The following GABRG2 variants were observed in gnomAD, a reference collection of about 807,000 sequenced individuals.
GABRG2 encodes the protein gamma-aminobutyric acid receptor subunit gamma-2.
In GABRG2, 16 loss-of-function variants were observed where a neutral mutation model predicts 56.4. That is an observed-to-expected ratio of 0.28 (90% CI 0.19 to 0.43). The LOEUF is 0.43. Among genes scored for constraint, GABRG2 ranks in the 20% least tolerant of loss-of-function variants. The pLI, the probability that GABRG2 is intolerant of heterozygous loss-of-function variation, is 1.00. For missense variants in GABRG2, 327 were observed against 582.7 expected, an observed-to-expected ratio of 0.56 and a Z score of 4.52; for synonymous variants, 208 against 205.5, an observed-to-expected ratio of 1.01 and a Z score of -0.10.
intron 1 of GABRG2, among the ~76,000 whole-genome samples, chr5:162,087,062 C>G (rs1760177486): frequency 6.6e-6 from 1 of 152,018 alleles, no homozygotes; most frequent in Admixed American, 6.6e-5. Flanking sequence ...TTCTCTACTT[C>G]TTTTCCCTTT....
At chr5:162,077,568 A>C (rs1321285906) in intron 1 of GABRG2, among the ~76,000 whole-genome samples, 1 of 152,212 alleles carries the variant, frequency 6.6e-6, no homozygotes, top group Non-Finnish European at 1.5e-5. Context: ...AATGTATGAC[A>C]GTTTAAGTTA....
At chr5:162,097,584 A>G (rs1056922742) in intron 3 of GABRG2, 54 bp from the exon 4 acceptor site, 1 of 1,314,572 alleles carries the variant, frequency 7.6e-7, no homozygotes, top group Non-Finnish European at 1.1e-6. Context: ...ACCAATATTT[A>G]AAAAGATAAT....
In GABRG2 at chr5:162,073,932, A is replaced by G. The variant is rs1478823935; in HGVS notation, c.107+5826A>G. Among the ~76,000 whole-genome samples the G allele has an allele frequency of 6.5e-4, 99 of 151,888 alleles. 1 individual carries two copies. The highest frequency in any genetic ancestry group is 6.4e-3 in the Admixed American group (97 of 15,214). On this transcript the variant is annotated intron_variant, in intron 1 of 9. Transcript: ENST00000639213. Reference sequence around the variant, plus strand: ...CTATTGGCTGTAGAACAGAGTTAAGACCCCCTCCTTGAATTCATAGCGCAA... The same window carrying G: ...CTATTGGCTGTAGAACAGAGTTAAGGCCCCCTCCTTGAATTCATAGCGCAA...
intron 5 of GABRG2, 59 bp from the exon 6 acceptor site, chr5:162,103,830 G>A (rs1761610995): frequency 6.3e-7 from 1 of 1,584,620 alleles, no homozygotes; most frequent in Non-Finnish European, 8.7e-7. Context: ...ATAGAAGATG[G>A]TTGCTACATA....
At chr5:162,091,425 A>G (rs1258292843) in intron 1 of GABRG2, among the ~76,000 whole-genome samples, 5 of 152,126 alleles carry the variant, frequency 3.3e-5, no homozygotes, top group Non-Finnish European at 7.4e-5. Context: ...TCTTAACCTT[A>G]CACGGGAATG....
chr5:162,140,438 G>A (rs1353322713), intron 6 of GABRG2, among the ~76,000 whole-genome samples: 1 of 152,134 alleles, frequency 6.6e-6, no homozygotes, highest in Admixed American at 6.5e-5. Flanking sequence ...AGCTTTGAGG[G>A]GTATGGGGTG....
At chr5:162,140,412 G>A (rs1213823227) in intron 6 of GABRG2, among the ~76,000 whole-genome samples, 1 of 152,164 alleles carries the variant, frequency 6.6e-6, no homozygotes, top group African/African-American at 2.4e-5. Context: ...GCCAATAAAG[G>A]CCTTTCTATT....
chr5:162,144,009 G>T (rs1764772659), intron 7 of GABRG2, among the ~76,000 whole-genome samples: 1 of 152,154 alleles, frequency 6.6e-6, no homozygotes, highest in Non-Finnish European at 1.5e-5. Flanking sequence ...GTGGTACTTT[G>T]TGTTACAAGT....
intron 6 of GABRG2, among the ~76,000 whole-genome samples, chr5:162,123,357 A>G (rs1487547182): frequency 2.7e-5 from 4 of 150,666 alleles, no homozygotes; most frequent in Admixed American, 2.7e-4. Context: ...TGTTCTAGGC[A>G]TATGAAACCT....
chr5:162,129,074 G>T (rs1219371091), intron 6 of GABRG2: 1 of 151,884 alleles, frequency 6.6e-6, no homozygotes, highest in South Asian at 2.1e-4. Flanking sequence ...AATAATTTTA[G>T]AACTGAAAAC....
chr5:162,098,018 G>GT lies in GABRG2; in HGVS notation c.548+166dup, dbSNP rs571001285. The GT allele has an allele frequency of 2.1e-3, 1,373 of 639,524 alleles. 3 individuals are homozygous for GT. Among genetic ancestry groups the GT allele is most frequent in the Non-Finnish European group, 3.2e-3 (1,171 of 370,070 alleles). The allele number at this position is 639,524 out of a possible 1,614,324, so 39.6% of individuals were successfully genotyped here. A position where few individuals can be genotyped will look rare whatever the true frequency, so the allele number is the denominator to read the frequency against. On this transcript the variant is annotated intron_variant, in intron 4 of 9. Transcript: ENST00000639213. ...ATTAGTATATGACATCAAAACATTA[G>GT]TTTTTTCTTTTTGTTATCAATGAGC...
intron 1 of GABRG2, among the ~76,000 whole-genome samples, chr5:162,085,009 G>T (rs1759954517): frequency 6.6e-6 from 1 of 151,824 alleles, no homozygotes; most frequent in African/African-American, 2.4e-5. Flanking sequence ...CCCACTTCAG[G>T]TTACTGCCTT....
chr5:162,107,201 C>T (rs1299528548), intron 6 of GABRG2, among the ~76,000 whole-genome samples: 2 of 152,072 alleles, frequency 1.3e-5, no homozygotes, highest in African/African-American at 4.8e-5. Flanking sequence ...TGTGTGGCTG[C>T]ATAGTATTCC....
At chr5:162,100,390 G>A (rs967413638) in intron 4 of GABRG2, 1 of 152,030 alleles carries the variant, frequency 6.6e-6, no homozygotes, top group Non-Finnish European at 1.5e-5. Context: ...AAGAGATATA[G>A]CTAAAAATAT....
intron 6 of GABRG2, among the ~76,000 whole-genome samples, chr5:162,115,836 C>G (rs758783457): frequency 6.6e-5 from 10 of 152,074 alleles, no homozygotes; most frequent in Non-Finnish European, 1.3e-4. Flanking sequence ...ACCACTACCT[C>G]TAAAATAATA....
chr5:162,119,554 T>C (rs1293162337), intron 6 of GABRG2, among the ~76,000 whole-genome samples: 2 of 152,120 alleles, frequency 1.3e-5, no homozygotes, highest in Non-Finnish European at 2.9e-5. Flanking sequence ...CCTCCCATGT[T>C]CCCAAATAGG....
chr5:162,146,196 C>T (rs1350525000), intron 7 of GABRG2, among the ~76,000 whole-genome samples: 1 of 152,028 alleles, frequency 6.6e-6, no homozygotes, highest in Non-Finnish European at 1.5e-5. Context: ...TAGGTCCCAT[C>T]TGTCTGGCAC....
chr5:162,112,156 A>G (rs1431938999), intron 6 of GABRG2, among the ~76,000 whole-genome samples: 2 of 152,146 alleles, frequency 1.3e-5, no homozygotes, highest in African/African-American at 4.8e-5. Context: ...AAAAAAATCA[A>G]TTTGAGAGAA....
At chr5:162,076,516 A>C (rs1277828770) in intron 1 of GABRG2, among the ~76,000 whole-genome samples, 1 of 152,200 alleles carries the variant, frequency 6.6e-6, no homozygotes, top group Non-Finnish European at 1.5e-5. Context: ...AACAATGTGA[A>C]ATAGCTTCTA....
Sources: allele counts gnomAD v4.1 joint callset (sites outside exome capture counted in the v4.1 genomes callset), GRCh38; gene constraint gnomAD v4.1.1; transcripts MANE v1.5; gene names NCBI Gene and HGNC (gene_info 2026-07-23, HGNC 2026-07-21).